The following PELI2 variants were observed in gnomAD, a reference collection of about 807,000 sequenced individuals.
The protein encoded by PELI2 is E3 ubiquitin-protein ligase pellino homolog 2.
A neutral mutation model predicts 42.3 loss-of-function variants in PELI2; 23 were observed. The ratio of observed to expected loss-of-function variants is 0.54; its 90% CI spans 0.39 to 0.77. The LOEUF (loss-of-function observed/expected upper bound fraction) is 0.77. Ranked by LOEUF, PELI2 falls within the 30% of genes least tolerant of loss-of-function variation. PELI2 has a pLI of 0.00. For missense variants in PELI2, 463 were observed against 553.2 expected (o/e 0.84, Z 1.64); for synonymous variants, 245 against 212.2 (o/e 1.15, Z -1.34).
At position 56,187,627 on chromosome 14, in the gene PELI2, C is replaced by T. The variant is rs183311233; in HGVS notation, c.207+9163C>T. On this transcript the variant is annotated intron_variant, in intron 2 of 5. Coordinates refer to ENST00000267460, the MANE Select transcript of PELI2 (RefSeq NM_021255.3). ...ACCTTTTGCTTTTCACGTTAAAGTG[C>T]GTGATTGGCCTTAACTTTTCTGAAA... 2.6e-5 allele frequency among the ~76,000 whole-genome samples: 4 copies of T among 152,242 alleles called. No individual in the cohort carries two copies. The East Asian group carries it at 7.7e-4, about 29-fold the overall frequency.
chr14:56,144,099 G>T (rs540862398), intron 1 of PELI2, among the ~76,000 whole-genome samples: 3 of 152,180 alleles, frequency 2.0e-5, no homozygotes, highest in Admixed American at 6.5e-5. Context: ...GCTGATTCCA[G>T]TCTAACACCC....
chr14:56,152,790 G>A (rs1156791033), intron 1 of PELI2, among the ~76,000 whole-genome samples: 1 of 152,146 alleles, frequency 6.6e-6, no homozygotes, highest in Non-Finnish European at 1.5e-5. Context: ...AGATATATTT[G>A]TAAAAAGATG....
intron 2 of PELI2, among the ~76,000 whole-genome samples, chr14:56,199,147 A>T (rs1313560794): frequency 6.6e-6 from 1 of 152,192 alleles, no homozygotes; most frequent in Non-Finnish European, 1.5e-5. Context: ...AAACAATTTT[A>T]TTACTATCAT....
chr14:56,266,326 A>G (rs1328178287), intron 2 of PELI2, among the ~76,000 whole-genome samples: 1 of 152,036 alleles, frequency 6.6e-6, no homozygotes, highest in African/African-American at 2.4e-5. Context: ...AAGTCAAAAC[A>G]CAAATGAGTG....
rs1885547801 is a variant in PELI2, at chr14:56,180,725, C to G, written c.207+2261C>G. ...TGTTGGCACCTTCTACCTTGGCGCC[C>G]CCCATCTACCTCTTCCGCCCCTTAC... On this transcript the variant is annotated intron_variant, in intron 2 of 5. Transcript: ENST00000267460. The surrounding 1 kb of genome is among the most constrained non-coding windows in gnomAD (Gnocchi z 4.4). Among the ~76,000 whole-genome samples the G allele has an allele frequency of 6.6e-6, 1 of 151,952 alleles. No homozygotes were observed. Among genetic ancestry groups the G allele is most frequent in the Admixed American group, 6.6e-5 (1 of 15,260 alleles).
intron 1 of PELI2, among the ~76,000 whole-genome samples, chr14:56,166,299 T>C (rs1040821289): frequency 6.6e-6 from 1 of 152,224 alleles, no homozygotes; most frequent in African/African-American, 2.4e-5. Context: ...TTTTAACTTT[T>C]TGTTGTTCTG....
At chr14:56,124,477 G>GCAGA (rs1170719861) in intron 1 of PELI2, among the ~76,000 whole-genome samples, 5 of 152,218 alleles carry the variant, frequency 3.3e-5, no homozygotes, top group East Asian at 1.9e-4. Context: ...CTAGGACAAG[G>GCAGA]CAGACACATT....
At chr14:56,193,709 T>G (rs1324504426) in intron 2 of PELI2, among the ~76,000 whole-genome samples, 1 of 152,256 alleles carries the variant, frequency 6.6e-6, no homozygotes, top group Non-Finnish European at 1.5e-5. Flanking sequence ...TTTTAAAATT[T>G]TATCAAGTTT....
chr14:56,161,888 G>A (rs572277137), intron 1 of PELI2, among the ~76,000 whole-genome samples: 1 of 152,274 alleles, frequency 6.6e-6, no homozygotes, highest in South Asian at 2.1e-4. Context: ...TAAAAAGTCT[G>A]TTGTGGCACT....
At chr14:56,243,430 C>T (rs538969905) in intron 2 of PELI2, among the ~76,000 whole-genome samples, 11 of 152,254 alleles carry the variant, frequency 7.2e-5, no homozygotes, top group African/African-American at 2.6e-4. Flanking sequence ...GCATGAGAAG[C>T]GCCTGGCCCC....
At chr14:56,185,880 T>G (rs1405438734) in intron 2 of PELI2, among the ~76,000 whole-genome samples, 1 of 152,192 alleles carries the variant, frequency 6.6e-6, no homozygotes, top group Non-Finnish European at 1.5e-5. Context: ...ATTTGTCTCT[T>G]TTTTCCTGCA....
chr14:56,127,872 A>T (rs1351030472), intron 1 of PELI2, among the ~76,000 whole-genome samples: 1 of 152,232 alleles, frequency 6.6e-6, no homozygotes, highest in African/African-American at 2.4e-5. Flanking sequence ...TGAGTGTAAA[A>T]GAAATTTAAA....
chr14:56,202,228 T>C (rs964605416), intron 2 of PELI2, among the ~76,000 whole-genome samples: 4 of 152,202 alleles, frequency 2.6e-5, no homozygotes, highest in Admixed American at 1.3e-4. Flanking sequence ...GATTGTACCA[T>C]GTTTGTAAAA....
intron 2 of PELI2, among the ~76,000 whole-genome samples, chr14:56,217,491 C>T (rs200558900): frequency 6.6e-6 from 1 of 152,310 alleles, no homozygotes; most frequent in African/African-American, 2.4e-5. Context: ...TCCGGCTTGG[C>T]CAGGGGTCCA....
chr14:56,143,998 G>A (rs1884015255), intron 1 of PELI2, among the ~76,000 whole-genome samples: 1 of 151,990 alleles, frequency 6.6e-6, no homozygotes, highest in Non-Finnish European at 1.5e-5. Context: ...AAACATGCAT[G>A]TATACTAGCA....
intron 1 of PELI2, among the ~76,000 whole-genome samples, chr14:56,121,136 CAG>C (rs1290914299): frequency 2.0e-5 from 3 of 151,762 alleles, no homozygotes; most frequent in Non-Finnish European, 4.4e-5. Context: ...TATTGGAAAA[CAG>C]AAAATTTCAA....
chr14:56,255,733 G>A (rs1888506007), intron 2 of PELI2, among the ~76,000 whole-genome samples: 2 of 152,310 alleles, frequency 1.3e-5, no homozygotes, highest in South Asian at 2.1e-4. Context: ...CCACAGATTG[G>A]TGTGATCAGG....
rs1250093449 is a variant in PELI2 at position 56,214,590 on chromosome 14, G to T, written c.207+36126G>T. On this transcript the variant is annotated intron_variant, in intron 2 of 5. Coordinates refer to ENST00000267460, the MANE Select transcript of PELI2 (RefSeq NM_021255.3). ...AGAGGGCACAGAACCCTGTGTCTTGGAGGGGACCCAGCTTGGAGTCAGCTT... is the reference window on the plus strand; with the variant it reads ...AGAGGGCACAGAACCCTGTGTCTTGTAGGGGACCCAGCTTGGAGTCAGCTT... 2.0e-5 allele frequency among the ~76,000 whole-genome samples: 3 copies of T among 152,164 alleles called. No individual in the cohort carries two copies. In the East Asian group the frequency reaches 5.8e-4, roughly 29 times the overall value.
intron 1 of PELI2, among the ~76,000 whole-genome samples, chr14:56,118,956 C>A (rs1239349171): frequency 1.3e-5 from 2 of 150,014 alleles, no homozygotes; most frequent in African/African-American, 4.9e-5. Context: ...GCGCTGTCCG[C>A]GCGGAGGACG....
Sources: allele counts gnomAD v4.1 joint callset (sites outside exome capture counted in the v4.1 genomes callset), GRCh38; gene constraint gnomAD v4.1.1; non-coding constraint Gnocchi (gnomAD v3.1); transcripts MANE v1.5; gene names NCBI Gene and HGNC (gene_info 2026-07-23, HGNC 2026-07-21).